SPTAN1: variants seen among roughly 807,000 people sequenced by gnomAD.
SPTAN1 encodes the protein spectrin alpha chain, non-erythrocytic 1.
A neutral mutation model predicts 331.3 loss-of-function variants in SPTAN1; 61 were observed. That is an observed-to-expected ratio of 0.18 (90% confidence interval 0.15 to 0.23). The LOEUF is 0.23. Ranked by LOEUF, SPTAN1 falls within the 10% of genes least tolerant of loss-of-function variation. The pLI is 1.00. For synonymous variants in SPTAN1, 1,153 were observed against 1,173.9 expected (o/e 0.98, Z 0.36); for missense variants, 2,043 against 3,147.9 (o/e 0.65, Z 8.40).
rs1005833696 is a variant in SPTAN1, at chr9:128,605,230, C to T, written c.3864+52C>T. 59 of 1,614,006 alleles carry T rather than the reference C, an allele frequency of 3.7e-5. 1 individual carries two copies. Among genetic ancestry groups the T allele is most frequent in the East Asian group, 2.2e-4 (10 of 44,878 alleles). The stretch of plus-strand genomic sequence containing the variant: ...TCTGGCATTTTTGCCCCAGAAAGAG[C>T]AGAGTCTTCTGTTCTGCAGAGCATA... On this transcript the variant is annotated intron_variant, in intron 30 of 56. Coordinates refer to ENST00000372739, the MANE Select transcript of SPTAN1 (RefSeq NM_001130438.3).
chr9:128,610,232 G>T (rs1298331311), intron 37 of SPTAN1, among the ~76,000 whole-genome samples: 1 of 152,206 alleles, frequency 6.6e-6, no homozygotes, highest in African/African-American at 2.4e-5. Context: ...CACTCAACAG[G>T]TAGTGAAAGG....
At chr9:128,575,532 A>G (rs754416258) in intron 5 of SPTAN1, among the ~76,000 whole-genome samples, 187 bp downstream of exon 5, 18 of 152,338 alleles carry the variant, frequency 1.2e-4, no homozygotes, top group South Asian at 6.2e-4. Context: ...ATGCTTTTCA[A>G]TGTGTTGCCT....
chr9:128,586,985 C>T (rs1852736121), intron 19 of SPTAN1, among the ~76,000 whole-genome samples: 1 of 151,664 alleles, frequency 6.6e-6, no homozygotes, highest in East Asian at 1.9e-4. Flanking sequence ...GCCCAGCTAA[C>T]TTTTTTTGTA....
intron 23 of SPTAN1, chr9:128,593,266 G>A (rs1001913881): frequency 3.1e-5 from 19 of 612,298 alleles, no homozygotes; most frequent in Non-Finnish European, 5.7e-5. Context: ...GCAGCTGTGT[G>A]TTCAGAGTGG....
rs1393767726 is a variant in SPTAN1 at position 128,586,117 on chromosome 9, T to G, written c.2778+152T>G. Reference sequence around the variant, plus strand: ...TGGAATCCATTTTTCACTTGGTTTTTTTTTTTTTTTTTTTTTTTTTGGAGA... The same window carrying G: ...TGGAATCCATTTTTCACTTGGTTTTGTTTTTTTTTTTTTTTTTTTTGGAGA... On this transcript the variant is annotated intron_variant, in intron 19 of 56. Coordinates refer to ENST00000372739, the MANE Select transcript of SPTAN1 (RefSeq NM_001130438.3). The G allele has an allele frequency of 4.6e-5, 23 of 505,384 alleles. No homozygotes were observed. In the African/African-American group the frequency reaches 4.8e-4, roughly 11 times the overall value. The allele number at this position is 505,384 out of a possible 1,614,324, so 31.3% of individuals were successfully genotyped here. A position where few individuals can be genotyped will look rare whatever the true frequency, so the allele number is the denominator to read the frequency against.
In SPTAN1 at chr9:128,621,224, G is replaced by A. The variant is rs1184649705; in HGVS notation, c.5800G>A (p.Val1934Ile). The change falls in exon 45 of 57, where the codon GTC becomes ATC. Residue 1934 changes from valine to isoleucine, a missense_variant. Coordinates refer to ENST00000372739, the MANE Select transcript of SPTAN1 (RefSeq NM_001130438.3). ...CGTCCACAAGGATCGCGTGAATGATGTCTGCACCAATGGACAAGACCTCAT... is the reference window on the plus strand; with the variant it reads ...CGTCCACAAGGATCGCGTGAATGATATCTGCACCAATGGACAAGACCTCAT... ...FTVHKDRVND[V>I]CTNGQDLIKK... 2 of 1,613,996 alleles carry A rather than the reference G, an allele frequency of 1.2e-6. No homozygotes were observed. Among genetic ancestry groups the A allele is most frequent in the South Asian group, 1.1e-5 (1 of 91,046 alleles).
chr9:128,581,144 A>C, intron 11 of SPTAN1, 85 bp downstream of exon 11: 1 of 1,574,262 alleles, frequency 6.4e-7, no homozygotes. Context: ...GTTTTGTTTT[A>C]GGACATCAGT....
At chr9:128,574,911 A>G in intron 4 of SPTAN1, 96 bp downstream of exon 4, 6 of 1,566,700 alleles carry the variant, frequency 3.8e-6, no homozygotes, top group Non-Finnish European at 4.4e-6. Flanking sequence ...TAGCACAGAT[A>G]CGGCCATTTT....
intron 1 of SPTAN1, among the ~76,000 whole-genome samples, chr9:128,556,269 C>T (rs1399133175): frequency 1.3e-5 from 2 of 151,214 alleles, no homozygotes; most frequent in African/African-American, 4.9e-5. Flanking sequence ...TCTTTGTGTA[C>T]AGTCTTTGTT....
In SPTAN1 at chr9:128,627,688, G is replaced by A. The variant is rs1858977210; in HGVS notation, c.6689+190G>A. ...GGGGCATAGGTGGAGCAGCCTCTCA[G>A]TGCTGCATGTCCCAGACATCAAGTT... On this transcript the variant is annotated intron_variant, in intron 50 of 56. Coordinates refer to ENST00000372739, the MANE Select transcript of SPTAN1 (RefSeq NM_001130438.3). This position sits in a 1 kb window ranked among gnomAD's most constrained non-coding sequence, Gnocchi z 4.9. 1 of 781,508 alleles carries A rather than the reference G, an allele frequency of 1.3e-6. No individual in the cohort carries two copies. The highest frequency in any genetic ancestry group is 1.7e-5 in the African/African-American group (1 of 59,246). The allele number at this position is 781,508 out of a possible 1,614,324, so 48.4% of individuals were successfully genotyped here.
Position 128,632,869 on chromosome 9 carries a change from G to A in SPTAN1, c.7222G>A (p.Val2408Ile), listed in dbSNP as rs1057520841. The change falls in exon 56 of 57, where the codon GTC becomes ATC. Residue 2408 changes from valine to isoleucine, a missense_variant. Physicochemically the swap from Val to Ile is conservative, Grantham distance 29 (BLOSUM62 3). This residue lies in a region of SPTAN1 where 9 missense variants were observed against 35.8 expected (regional missense o/e 0.25). Coordinates refer to ENST00000372739, the MANE Select transcript of SPTAN1 (RefSeq NM_001130438.3). ...AFMISRETEN[V>I]KSSEEIESAF... ...CATGATCAGCCGCGAAACTGAGAAC[G>A]TCAAGTCCAGCGAGGAGATTGAGAG... 3.1e-6 allele frequency: 5 copies of A among 1,614,032 alleles called. No homozygotes were observed. The highest frequency in any genetic ancestry group is 1.7e-5 in the Admixed American group (1 of 60,014).
intron 45 of SPTAN1, 97 bp from the exon 46 acceptor site, chr9:128,624,231 C>T: frequency 1.4e-6 from 2 of 1,480,766 alleles, no homozygotes; most frequent in Non-Finnish European, 1.9e-6. Context: ...GAGCAAGTGG[C>T]CCATTTTATA....
At chr9:128,564,796 C>T (rs1365864936) in intron 1 of SPTAN1, among the ~76,000 whole-genome samples, 6 of 152,032 alleles carry the variant, frequency 3.9e-5, no homozygotes, top group Non-Finnish European at 5.9e-5. Flanking sequence ...AATAAATAAG[C>T]GCTATCTAGG....
Position 128,607,715 on chromosome 9 carries a change from T to G in SPTAN1, c.4146+12T>G, listed in dbSNP as rs1310760055. The stretch of plus-strand genomic sequence containing the variant: ...TGGAGCGACACCAGGTGGGTGGACC[T>G]GCCTGCTGAGTAGCAAAGACGTGGC... On this transcript the variant is annotated intron_variant, in intron 32 of 56. Transcript: ENST00000372739. 1.9e-6 allele frequency: 3 copies of G among 1,613,762 alleles called. No individual in the cohort carries two copies. Among genetic ancestry groups the G allele is most frequent in the Middle Eastern group, 1.6e-4 (1 of 6,062 alleles).
At chr9:128,581,177 T>C (rs1851895562) in intron 11 of SPTAN1, 118 bp downstream of exon 11, 3 of 1,379,000 alleles carry the variant, frequency 2.2e-6, no homozygotes, top group Admixed American at 3.8e-5. Flanking sequence ...CTGAATCCAT[T>C]GAAGAGGGGG....
intron 1 of SPTAN1, among the ~76,000 whole-genome samples, chr9:128,557,386 C>T (rs902465663): frequency 1.3e-5 from 2 of 152,136 alleles, no homozygotes; most frequent in African/African-American, 4.8e-5. Context: ...TGACTGCACT[C>T]ACTGCAGGTG....
chr9:128,605,660 A>C (rs370734664), intron 31 of SPTAN1, among the ~76,000 whole-genome samples, 183 bp downstream of exon 31: 2 of 152,198 alleles, frequency 1.3e-5, no homozygotes, highest in Non-Finnish European at 2.9e-5. Context: ...CCTGGGCTAC[A>C]TGGCGAAACC....
At chr9:128,598,369 G>T (rs376334112) in intron 24 of SPTAN1, 31 bp from the exon 25 acceptor site, 6 of 1,572,458 alleles carry the variant, frequency 3.8e-6, no homozygotes, top group Non-Finnish European at 5.2e-6. Flanking sequence ...TGCTATTTTG[G>T]GTTTTAGTTA....
chr9:128,598,564 T>C (rs2131440350), intron 25 of SPTAN1, 60 bp downstream of exon 25: 1 of 1,342,200 alleles, frequency 7.5e-7, no homozygotes, highest in South Asian at 1.2e-5. Context: ...TTTGTTCCTC[T>C]TGTGTCTGTC....
Sources: gnomAD v4.1 joint callset for allele counts (sites outside exome capture counted in the v4.1 genomes callset) on GRCh38, gnomAD v4.1.1 for gene constraint, gnomAD v4.1.1 regional missense constraint, Gnocchi (gnomAD v3.1) non-coding constraint, MANE v1.5 for transcripts, NCBI Gene and HGNC (gene_info 2026-07-23, HGNC 2026-07-21) for gene names.